The following PRKAG2 variants were observed in gnomAD, a reference collection of about 807,000 sequenced individuals.
The protein encoded by PRKAG2 is protein kinase AMP-activated non-catalytic subunit gamma 2, also known as 5'-AMP-activated protein kinase subunit gamma-2.
PRKAG2 carries 26 observed loss-of-function variants against 69.6 expected under a neutral mutation model. The ratio of observed to expected loss-of-function variants is 0.37; its 90% CI spans 0.27 to 0.52. PRKAG2 has a LOEUF of 0.52. PRKAG2 is among the 20% of genes least tolerant of loss of function. PRKAG2 has a pLI of 0.90. For missense variants in PRKAG2, 557 were observed against 740.0 expected (o/e 0.75, Z 2.87); for synonymous variants, 293 against 285.0 (o/e 1.03, Z -0.28).
rs55951215 is a variant in PRKAG2, at chr7:151,790,853, G to A, written c.115-4312C>T. Among the ~76,000 whole-genome samples, 702 of 152,318 alleles carry A rather than the reference G, an allele frequency of 4.6e-3. 7 individuals are homozygous for A. Among genetic ancestry groups the A allele is most frequent in the African/African-American group, 0.016 (667 of 41,572 alleles). ...TAAGCAGCATCCTGCTCTAACAACT[G>A]AGGCCGAGGAGGTTCAAAGGGACTC... On this transcript the variant is annotated intron_variant, in intron 1 of 15. Transcript: ENST00000287878.
chr7:151,670,910 C>T (rs1831923022), intron 4 of PRKAG2, among the ~76,000 whole-genome samples: 2 of 152,034 alleles, frequency 1.3e-5, no homozygotes, highest in African/African-American at 2.4e-5. Context: ...GGTTGGCTCA[C>T]GCCTATAATC....
In PRKAG2 at chr7:151,693,234, T is replaced by C. The variant is rs530850795; in HGVS notation, c.467-17597A>G. 1.0e-3 allele frequency among the ~76,000 whole-genome samples: 152 copies of C among 152,314 alleles called. 1 individual carries two copies. Among genetic ancestry groups the C allele is most frequent in the African/African-American group, 3.4e-3 (141 of 41,574 alleles). ...TCCGAACATGCAGAAAGCCTGATGA[T>C]GTCCTGCTGCCCAGGGCAGGCCTGA... On this transcript the variant is annotated intron_variant, in intron 3 of 15. Coordinates refer to ENST00000287878, the MANE Select transcript of PRKAG2 (RefSeq NM_016203.4).
intron 11 of PRKAG2, chr7:151,566,474 T>G (rs1459186647): frequency 2.8e-6 from 1 of 350,922 alleles, no homozygotes; most frequent in African/African-American, 2.1e-5. Context: ...AATTAACTTT[T>G]CATGGGCTGT....
intron 3 of PRKAG2, among the ~76,000 whole-genome samples, chr7:151,705,082 A>C (rs1330590078): frequency 6.6e-6 from 1 of 152,228 alleles, no homozygotes; most frequent in Non-Finnish European, 1.5e-5. Context: ...ATTTTTGACG[A>C]TTAGCAAGTT....
intron 1 of PRKAG2, among the ~76,000 whole-genome samples, chr7:151,806,120 C>T (rs772220850): frequency 1.3e-5 from 2 of 152,168 alleles, no homozygotes; most frequent in African/African-American, 4.8e-5. Context: ...ACCCGGGAAG[C>T]GGAGGTTGCA....
chr7:151,631,720 C>T, intron 5 of PRKAG2: 1 of 462,540 alleles, frequency 2.2e-6, no homozygotes, highest in South Asian at 1.5e-5. Flanking sequence ...GGGGTTGCCT[C>T]CGAGTGCATG....
intron 5 of PRKAG2, among the ~76,000 whole-genome samples, chr7:151,610,821 G>A (rs1202738952): frequency 6.9e-6 from 1 of 145,502 alleles, no homozygotes; most frequent in East Asian, 2.1e-4. Context: ...CCTTCTCCTG[G>A]GAGTGGTGCA....
At chr7:151,786,865 G>A in intron 1 of PRKAG2, among the ~76,000 whole-genome samples, 1 of 152,186 alleles carries the variant, frequency 6.6e-6, no homozygotes, top group East Asian at 1.9e-4. Context: ...CCCGTCTCAG[G>A]CTATTCTGCT....
chr7:151,839,903 GA>G (rs2079236191), intron 1 of PRKAG2, among the ~76,000 whole-genome samples: 1 of 152,186 alleles, frequency 6.6e-6, no homozygotes, highest in Admixed American at 6.5e-5. Context: ...AGAGGAAGCT[GA>G]GCAGGGTGGC....
chr7:151,777,968 T>C lies in PRKAG2; in HGVS notation c.466+3184A>G, dbSNP rs536346995. Among the ~76,000 whole-genome samples, 5 of 152,248 alleles carry C rather than the reference T, an allele frequency of 3.3e-5. No individual in the cohort carries two copies. Among genetic ancestry groups the C allele is most frequent in the South Asian group, 2.1e-4 (1 of 4,814 alleles). On this transcript the variant is annotated intron_variant, in intron 3 of 15. Coordinates refer to ENST00000287878, the MANE Select transcript of PRKAG2 (RefSeq NM_016203.4). This position sits in a 1 kb window ranked among gnomAD's most constrained non-coding sequence, Gnocchi z 4.3. ...GTCACAAGACTTGCAACTTCCCCAG[T>C]TGCTCCTGTAGATAGTATCACTATT... is the stretch of plus-strand genomic sequence containing the variant.
intron 1 of PRKAG2, among the ~76,000 whole-genome samples, chr7:151,855,077 AT>A (rs2079688236): frequency 9.7e-4 from 37 of 38,338 alleles, no homozygotes; most frequent in Admixed American, 1.3e-3. Context: ...CACACACACC[AT>A]CCTCCACACA....
intron 4 of PRKAG2, among the ~76,000 whole-genome samples, chr7:151,647,976 G>A (rs1354848209): frequency 1.3e-5 from 2 of 152,164 alleles, no homozygotes; most frequent in Non-Finnish European, 2.9e-5. Context: ...GGAATGTCAG[G>A]GAACAGGGAT....
At chr7:151,732,463 C>T (rs1324774627) in intron 3 of PRKAG2, among the ~76,000 whole-genome samples, 1 of 152,060 alleles carries the variant, frequency 6.6e-6, no homozygotes, top group Non-Finnish European at 1.5e-5. Flanking sequence ...CCGGGAATAA[C>T]TGTATGAAGG....
chr7:151,800,982 G>T (rs953632274), intron 1 of PRKAG2, among the ~76,000 whole-genome samples: 1 of 152,190 alleles, frequency 6.6e-6, no homozygotes, highest in Non-Finnish European at 1.5e-5. Context: ...TTCCGCTTCA[G>T]GTTCTGTAAA....
At chr7:151,696,945 C>T (rs1394407023) in intron 3 of PRKAG2, among the ~76,000 whole-genome samples, 1 of 152,138 alleles carries the variant, frequency 6.6e-6, no homozygotes, top group Admixed American at 6.5e-5. Flanking sequence ...AGGCTCAGGC[C>T]CTGTTCACCT....
intron 6 of PRKAG2, among the ~76,000 whole-genome samples, chr7:151,590,631 C>T (rs1812847404): frequency 6.6e-6 from 1 of 152,216 alleles, no homozygotes; most frequent in Admixed American, 6.5e-5. Flanking sequence ...TAGCGTGGGC[C>T]TCTCACCCTC....
chr7:151,635,079 A>T (rs1324859308), intron 4 of PRKAG2, among the ~76,000 whole-genome samples: 2 of 151,632 alleles, frequency 1.3e-5, no homozygotes, highest in African/African-American at 4.9e-5. Context: ...CCTCCTGAGT[A>T]GCTAGGATTA....
chr7:151,792,435 T>C (rs549939228), intron 1 of PRKAG2, among the ~76,000 whole-genome samples: 13 of 152,362 alleles, frequency 8.5e-5, no homozygotes, highest in Admixed American at 5.9e-4. Flanking sequence ...CATAGGATAA[T>C]AGACTTTCTA....
chr7:151,745,553 G>A (rs1330946293), intron 3 of PRKAG2, among the ~76,000 whole-genome samples: 16 of 152,140 alleles, frequency 1.1e-4, no homozygotes, highest in Admixed American at 1.0e-3. Flanking sequence ...ACAGGAACTG[G>A]AGCCTGAGTC....
Sources: allele counts gnomAD v4.1 joint callset (sites outside exome capture counted in the v4.1 genomes callset), GRCh38; gene constraint gnomAD v4.1.1; non-coding constraint Gnocchi (gnomAD v3.1); transcripts MANE v1.5; gene names NCBI Gene and HGNC (gene_info 2026-07-23, HGNC 2026-07-21).